The following SLC9D1 variants were observed in gnomAD, a reference collection of about 807,000 sequenced individuals.
SLC9D1 encodes putative LAG1-interacting protein.
At chr13:113,507,777 G>A in the SLC9D1 span, among the ~76,000 whole-genome samples, 1 of 152,256 alleles carries the variant, frequency 6.6e-6, no homozygotes, top group Non-Finnish European at 1.5e-5. Context: ...ACAAATACCT[G>A]TTGAGCACCT....
At chr13:113,522,331 TTTGTTGTTGTTG>T in the SLC9D1 span, among the ~76,000 whole-genome samples, 1 of 152,086 alleles carries the variant, frequency 6.6e-6, no homozygotes, top group Non-Finnish European at 1.5e-5. Flanking sequence ...GTAATTTTTC[TTTGTTGTTGTTG>T]TTGTTGTTGT....
the SLC9D1 span, among the ~76,000 whole-genome samples, chr13:113,547,557 C>G: frequency 1.3e-5 from 2 of 152,162 alleles, no homozygotes; most frequent in African/African-American, 4.8e-5. Context: ...CGAGGCTGGG[C>G]GGTCTGGGTT....
the SLC9D1 span, among the ~76,000 whole-genome samples, chr13:113,506,845 G>A: frequency 1.1e-3 from 173 of 152,334 alleles, no homozygotes; most frequent in Middle Eastern, 3.4e-3. Context: ...ATTGTGAGCA[G>A]CGTGAGCATG....
At chr13:113,546,830 G>A in the SLC9D1 span, among the ~76,000 whole-genome samples, 3 of 152,194 alleles carry the variant, frequency 2.0e-5, no homozygotes, top group Non-Finnish European at 4.4e-5. This position sits in a 1 kb window ranked among gnomAD's most constrained non-coding sequence, Gnocchi z 7.1. Flanking sequence ...AGAAATATGT[G>A]GAGACAACGT....
the SLC9D1 span, chr13:113,547,308 G>GTGTT: frequency 4.3e-6 from 7 of 1,614,122 alleles, no homozygotes; most frequent in Non-Finnish European, 3.4e-6. Context: ...AGGGCTCCAC[G>GTGTT]TGTTCCCCAC....
the SLC9D1 span, among the ~76,000 whole-genome samples, chr13:113,538,702 C>T: frequency 4.8e-5 from 7 of 144,578 alleles, no homozygotes; most frequent in Non-Finnish European, 7.5e-5. Flanking sequence ...CTTTTCTTTT[C>T]GTCTGATGCT....
the SLC9D1 span, among the ~76,000 whole-genome samples, chr13:113,549,000 G>A: frequency 6.6e-6 from 1 of 152,206 alleles, no homozygotes. Context: ...CCCAGGGTCA[G>A]GGAAGCTGTG....
the SLC9D1 span, among the ~76,000 whole-genome samples, chr13:113,523,632 A>G: frequency 6.6e-6 from 1 of 151,936 alleles, no homozygotes; most frequent in Non-Finnish European, 1.5e-5. Flanking sequence ...TTTCAATTTC[A>G]TTAGTTTCTA....
chr13:113,510,296 G>A, the SLC9D1 span: 19 of 1,614,078 alleles, frequency 1.2e-5, no homozygotes, highest in African/African-American at 2.5e-4. Context: ...ATTGCATTTG[G>A]CTTGCTGTGG....
the SLC9D1 span, among the ~76,000 whole-genome samples, chr13:113,533,096 C>T: frequency 1.2e-5 from 1 of 85,228 alleles, no homozygotes; most frequent in African/African-American, 5.7e-5. Flanking sequence ...CTCTGAAGGA[C>T]GCTGCCTCCC....
chr13:113,534,280 A>G, the SLC9D1 span: 1 of 1,477,182 alleles, frequency 6.8e-7, no homozygotes, highest in Non-Finnish European at 9.4e-7. Context: ...AATCTGATAC[A>G]TAATCTCTTT....
chr13:113,511,005 AGCCT>A, the SLC9D1 span, among the ~76,000 whole-genome samples: 1 of 95,924 alleles, frequency 1.0e-5, no homozygotes, highest in African/African-American at 5.8e-5. Context: ...CTCACTCGGA[AGCCT>A]AGGCAGGACC....
the SLC9D1 span, chr13:113,549,392 C>T: frequency 2.5e-6 from 4 of 1,610,082 alleles, no homozygotes; most frequent in Admixed American, 6.7e-5. Flanking sequence ...TCCTGACAGT[C>T]TCTGTGACCC....
chr13:113,549,133 T>C, the SLC9D1 span, among the ~76,000 whole-genome samples: 1 of 152,212 alleles, frequency 6.6e-6, no homozygotes, highest in African/African-American at 2.4e-5. Context: ...CAGTCTCTCC[T>C]ACATCCCAAT....
the SLC9D1 span, chr13:113,535,200 A>C: frequency 6.6e-6 from 1 of 152,256 alleles, no homozygotes; most frequent in African/African-American, 2.4e-5. This position sits in a 1 kb window ranked among gnomAD's most constrained non-coding sequence, Gnocchi z 4.1. Flanking sequence ...GTTTGGAAAA[A>C]CAGTTTTTAA....
the SLC9D1 span, chr13:113,511,804 G>C: frequency 6.6e-6 from 1 of 152,344 alleles, no homozygotes; most frequent in Admixed American, 6.5e-5. Flanking sequence ...GAAATCTGTG[G>C]CTGGAAAAGA....
chr13:113,515,687 C>G, the SLC9D1 span, among the ~76,000 whole-genome samples: 1 of 151,804 alleles, frequency 6.6e-6, no homozygotes, highest in Non-Finnish European at 1.5e-5. Context: ...GTCAGGAGAT[C>G]GAGACCATCC....
At chr13:113,496,299 C>T in the SLC9D1 span, among the ~76,000 whole-genome samples, 1 of 152,196 alleles carries the variant, frequency 6.6e-6, no homozygotes, top group African/African-American at 2.4e-5. Flanking sequence ...ATACTTTTCT[C>T]TATAGAGAAA....
the SLC9D1 span, among the ~76,000 whole-genome samples, chr13:113,508,874 G>A: frequency 1.3e-5 from 2 of 152,268 alleles, no homozygotes; most frequent in African/African-American, 4.8e-5. Flanking sequence ...GGAGGGAAAG[G>A]CTCACATGCT....
Sources: allele counts gnomAD v4.1 joint callset (sites outside exome capture counted in the v4.1 genomes callset), GRCh38; gene constraint gnomAD v4.1.1; non-coding constraint Gnocchi (gnomAD v3.1); transcripts MANE v1.5; gene names NCBI Gene and HGNC (gene_info 2026-07-23, HGNC 2026-07-21).